Variants in NOMO1 observed in about 807,000 individuals in gnomAD.
The protein encoded by NOMO1 is NODAL modulator 1.
NOMO1 carries 40 observed loss-of-function variants against 133.8 expected under a neutral mutation model. The observed-to-expected ratio is 0.30, with a 90% CI of 0.23 to 0.39. NOMO1 has a LOEUF of 0.39. Ranked by LOEUF, NOMO1 falls within the 10% of genes least tolerant of loss-of-function variation. The probability of loss-of-function intolerance (pLI) is 1.00; values close to 1 mark genes in which losing one functional copy is unlikely to be tolerated. For synonymous variants in NOMO1, 236 were observed against 570.5 expected (o/e 0.41, Z 8.36); for missense variants, 462 against 1,419.9 (o/e 0.33, Z 10.84).
intron 2 of NOMO1, among the ~76,000 whole-genome samples, chr16:14,840,955 C>T (rs1332189531): frequency 6.6e-6 from 1 of 151,770 alleles, no homozygotes; most frequent in African/African-American, 2.4e-5. Context: ...GTGTGAGGTG[C>T]TGTGCCTGGC....
chr16:14,882,719 C>T, intron 26 of NOMO1, 42 bp downstream of exon 26: 2 of 1,611,604 alleles, frequency 1.2e-6, no homozygotes, highest in Non-Finnish European at 1.7e-6. Context: ...GTGTGGGTGC[C>T]TCCCTGATCA....
At position 14,867,094 on chromosome 16, in the gene NOMO1, A is replaced by G. The variant is rs570084675; in HGVS notation, c.1806+403A>G. Among the ~76,000 whole-genome samples the G allele has an allele frequency of 9.7e-3, 1,082 of 111,528 alleles. 28 individuals carry two copies. Among genetic ancestry groups the G allele is most frequent in the Admixed American group, 0.074 (682 of 9,158 alleles). The allele number at this position is 111,528 out of a possible 152,430, so 73.2% of individuals were successfully genotyped here. Reference sequence around the variant, plus strand: ...TGGCAGGGCTTAAGTGAACCCTCTTAGGTATCAAAGTGTCCTTGGTGTACA... The same window carrying G: ...TGGCAGGGCTTAAGTGAACCCTCTTGGGTATCAAAGTGTCCTTGGTGTACA... On this transcript the variant is annotated intron_variant, in intron 15 of 30. Coordinates refer to ENST00000287667, the MANE Select transcript of NOMO1 (RefSeq NM_014287.4).
At position 14,884,360 on chromosome 16, in the gene NOMO1, TTC is replaced by T. The variant is rs1248713768; in HGVS notation, c.3112-4_3112-3del. 8.0e-7 allele frequency: 1 copy of T among 1,253,668 alleles called. No individual in the cohort carries two copies. The highest frequency in any genetic ancestry group is 1.1e-6 in the Non-Finnish European group (1 of 872,620). The allele number at this position is 1,253,668 out of a possible 1,614,324, so 77.7% of individuals were successfully genotyped here. A position where few individuals can be genotyped will look rare whatever the true frequency, so the allele number is the denominator to read the frequency against. On this transcript the variant is annotated splice_polypyrimidine_tract_variant and intron_variant, in intron 26 of 30. Coordinates refer to ENST00000287667, the MANE Select transcript of NOMO1 (RefSeq NM_014287.4). ...CTTTCTCATTACTGGTATTCCCTCT[TTC>T]TCTCTCTAGGTTGGGAATAATGACA... is the stretch of plus-strand genomic sequence containing the variant.
rs543693028 is a variant in NOMO1, at chr16:14,875,045, C to A, written c.2064C>A (p.Ile688=). ...MDVTVTIKSS[I]DSEPALVLGP... ...GCCGTCTTTCTTCTAGGTCTTCCATCGACAGTGAACCCGCCTTGGTCTTAG... is the reference window on the plus strand; with the variant it reads ...GCCGTCTTTCTTCTAGGTCTTCCATAGACAGTGAACCCGCCTTGGTCTTAG... Residue 688 remains isoleucine (I), a synonymous_variant, in exon 19 of 31, where the codon ATC becomes ATA. Coordinates refer to ENST00000287667, the MANE Select transcript of NOMO1 (RefSeq NM_014287.4). The A allele has an allele frequency of 6.2e-7, 1 of 1,613,788 alleles. No individual in the cohort carries two copies. Among genetic ancestry groups the A allele is most frequent in the African/African-American group, 1.3e-5 (1 of 74,910 alleles).
chr16:14,861,037 G>C (rs1391013967), intron 11 of NOMO1, among the ~76,000 whole-genome samples: 1 of 139,920 alleles, frequency 7.1e-6, no homozygotes, highest in South Asian at 2.5e-4. Context: ...TGGTTTTGCC[G>C]TGTTGGCTAG....
intron 28 of NOMO1, among the ~76,000 whole-genome samples, chr16:14,887,775 C>G (rs565691745): frequency 7.2e-5 from 11 of 152,140 alleles, no homozygotes. Context: ...TTTAAAAATT[C>G]CTCTATTTAA....
intron 15 of NOMO1, 97 bp downstream of exon 15, chr16:14,866,788 G>T: frequency 6.2e-7 from 1 of 1,607,580 alleles, no homozygotes; most frequent in Non-Finnish European, 8.5e-7. Context: ...ACGTAGGCAA[G>T]TTAGATTTCC....
chr16:14,843,753 G>A (rs1299853752), intron 3 of NOMO1, among the ~76,000 whole-genome samples: 24 of 138,810 alleles, frequency 1.7e-4, no homozygotes, highest in African/African-American at 5.6e-4. Flanking sequence ...GCATGTACGC[G>A]TGCAAGCACG....
intron 7 of NOMO1, among the ~76,000 whole-genome samples, chr16:14,852,860 G>A (rs1190159174): frequency 6.8e-6 from 1 of 146,588 alleles, no homozygotes; most frequent in East Asian, 2.0e-4. Context: ...AACATTAGCC[G>A]GGCATGTTGG....
At chr16:14,851,095 A>G (rs1324351073) in intron 6 of NOMO1, among the ~76,000 whole-genome samples, 2 of 149,570 alleles carry the variant, frequency 1.3e-5, no homozygotes, top group African/African-American at 2.5e-5. Context: ...AAAAAAAAAA[A>G]AAAAAATTTA....
chr16:14,866,785 C>T, intron 15 of NOMO1, 94 bp downstream of exon 15: 9 of 1,607,796 alleles, frequency 5.6e-6, no homozygotes, highest in Non-Finnish European at 7.6e-6. Context: ...TAAACGTAGG[C>T]AAGTTAGATT....
At chr16:14,867,149 GATATATATATAT>G (rs1171568936) in intron 15 of NOMO1, among the ~76,000 whole-genome samples, 29 of 17,258 alleles carry the variant, frequency 1.7e-3, no homozygotes, top group African/African-American at 3.3e-3. Context: ...GAGTTTCTCT[GATATATATATAT>G]ATATATATAT....
intron 6 of NOMO1, among the ~76,000 whole-genome samples, chr16:14,850,367 C>T (rs971040019): frequency 1.3e-5 from 2 of 151,778 alleles, no homozygotes; most frequent in African/African-American, 4.9e-5. Flanking sequence ...AGGGGGACTT[C>T]GGGGTATGCC....
Position 14,882,658 on chromosome 16 carries a change from C to T in NOMO1, c.3092C>T (p.Pro1031Leu). 6.2e-7 allele frequency: 1 copy of T among 1,611,618 alleles called. No homozygotes were observed. Among genetic ancestry groups the T allele is most frequent in the Non-Finnish European group, 8.5e-7 (1 of 1,179,788 alleles). Residue 1031 changes from proline to leucine, a missense_variant, in exon 26 of 31, where the codon CCC becomes CTC. Coordinates refer to ENST00000287667, the MANE Select transcript of NOMO1 (RefSeq NM_014287.4). ...EGNDHIERAL[P>L]HHRVIEVGNN... ...AACGACCACATTGAGCGGGCGCTCC[C>T]CCACCATAGGGTGATTGAGGTAAGG...
chr16:14,859,785 A>G (rs573785747), intron 11 of NOMO1, among the ~76,000 whole-genome samples: 16 of 152,152 alleles, frequency 1.1e-4, no homozygotes, highest in Non-Finnish European at 2.1e-4. Context: ...AAATTATGGC[A>G]AGTGTTGTGC....
At chr16:14,886,901 T>C (rs1163001112) in intron 28 of NOMO1, 39 bp downstream of exon 28, 1 of 1,599,118 alleles carries the variant, frequency 6.3e-7, no homozygotes, top group Non-Finnish European at 8.6e-7. Context: ...TGCCTTTGTT[T>C]TAATAATTCT....
intron 11 of NOMO1, among the ~76,000 whole-genome samples, chr16:14,859,642 C>A (rs59571573): frequency 2.6e-5 from 4 of 151,818 alleles, no homozygotes; most frequent in African/African-American, 9.7e-5. Flanking sequence ...TGGCAAAACA[C>A]CATCTCTACC....
intron 22 of NOMO1, among the ~76,000 whole-genome samples, chr16:14,878,463 C>T (rs1414987674): frequency 9.3e-6 from 1 of 107,492 alleles, no homozygotes; most frequent in Non-Finnish European, 1.7e-5. Context: ...CACTGCACTC[C>T]AGCCTGGGTG....
intron 1 of NOMO1, among the ~76,000 whole-genome samples, chr16:14,834,687 G>GT (rs71254287): frequency 4.7e-5 from 6 of 127,630 alleles, no homozygotes; most frequent in Admixed American, 7.6e-5. Context: ...TGTGCTGAAG[G>GT]TTTTTTTTTT....
Sources: gnomAD v4.1 joint callset for allele counts (sites outside exome capture counted in the v4.1 genomes callset) on GRCh38, gnomAD v4.1.1 for gene constraint, MANE v1.5 for transcripts, NCBI Gene and HGNC (gene_info 2026-07-23, HGNC 2026-07-21) for gene names.